HIP1: variants seen among roughly 807,000 people sequenced by gnomAD.
The protein encoded by HIP1 is huntingtin-interacting protein 1.
In HIP1, 65 loss-of-function variants were observed where a neutral mutation model predicts 147.6. That is an observed-to-expected ratio of 0.44 (90% CI 0.36 to 0.54). HIP1 has a LOEUF of 0.54. HIP1 is among the 20% of genes least tolerant of loss of function. The pLI, the probability that HIP1 is intolerant of heterozygous loss-of-function variation, is 0.00. For synonymous variants in HIP1, 479 were observed against 504.0 expected, an observed-to-expected ratio of 0.95 and a Z score of 0.67; for missense variants, 1,061 against 1,299.6, an observed-to-expected ratio of 0.82 and a Z score of 2.82.
intron 1 of HIP1, among the ~76,000 whole-genome samples, chr7:75,706,634 T>C (rs570696691): frequency 7.1e-6 from 1 of 140,642 alleles, no homozygotes; most frequent in South Asian, 2.2e-4. Context: ...TTTTTTTTTT[T>C]TTTTTTTTTT....
chr7:75,606,146 G>A (rs1184543726), intron 1 of HIP1, among the ~76,000 whole-genome samples: 1 of 152,092 alleles, frequency 6.6e-6, no homozygotes, highest in Admixed American at 6.6e-5. Flanking sequence ...ACCATGCCCA[G>A]CCAGAAGCTA....
At chr7:75,716,785 T>C (rs781939294) in intron 1 of HIP1, among the ~76,000 whole-genome samples, 3 of 151,310 alleles carry the variant, frequency 2.0e-5, no homozygotes, top group Non-Finnish European at 4.4e-5. Context: ...TCCCAAAGTG[T>C]TGGGATTACA....
chr7:75,670,168 G>A (rs1563283063), intron 1 of HIP1, among the ~76,000 whole-genome samples: 3 of 151,322 alleles, frequency 2.0e-5, no homozygotes. Context: ...CTTTTTTTGA[G>A]ACAGGGTCTC....
chr7:75,624,876 A>C (rs10215166), intron 1 of HIP1, among the ~76,000 whole-genome samples: 17,398 of 151,938 alleles, frequency 0.11, 1,448 homozygotes, highest in African/African-American at 0.23. Context: ...CATTCATTGA[A>C]TTCATCCATC....
intron 1 of HIP1, among the ~76,000 whole-genome samples, chr7:75,694,883 A>G (rs965355156): frequency 6.8e-6 from 1 of 147,228 alleles, no homozygotes; most frequent in Non-Finnish European, 1.5e-5. Context: ...ACTTTCTGAG[A>G]GAGTTCCTTG....
chr7:75,534,109 G>A lies in HIP1; in HGVS notation c.*4063C>T, dbSNP rs1793994592. On this transcript the variant is annotated 3_prime_UTR_variant, in exon 31 of 31. Transcript: ENST00000336926. ...GCTAAGAGGGAACTTCCAGCTGCAA[G>A]CTGAGAACTAGCTCCTGCACAGGGT... 4.3e-6 allele frequency: 1 copy of A among 231,276 alleles called. No homozygotes were observed. Among genetic ancestry groups the A allele is most frequent in the East Asian group, 6.1e-5 (1 of 16,314 alleles). 14.3% of individuals were successfully genotyped at this position (231,276 alleles called of 1,614,324 possible). A position where few individuals can be genotyped will look rare whatever the true frequency, so the allele number is the denominator to read the frequency against.
intron 1 of HIP1, among the ~76,000 whole-genome samples, chr7:75,623,872 G>A (rs1174101158): frequency 2.0e-5 from 3 of 152,196 alleles, no homozygotes; most frequent in Admixed American, 2.0e-4. Flanking sequence ...TTTCAGACCA[G>A]CCTGGGGAGT....
rs1475922255 is a variant in HIP1 at position 75,545,092 on chromosome 7, T to C, written c.2656A>G (p.Met886Val). Residue 886 changes from methionine to valine, a missense_variant, in exon 26 of 31, where the codon ATG becomes GTG. Met to Val is a conservative substitution (Grantham distance 21). Transcript: ENST00000336926. ...SKAVGWGATVMVDAADLVVQG... is the reference protein window; with the variant it reads ...SKAVGWGATVVVDAADLVVQG... ...TTGGTACCAATAGATACTTACACCA[T>C]GACAGTGGCTCCCCAGCCCACAGCC... 1.3e-6 allele frequency: 2 copies of C among 1,590,314 alleles called. No homozygotes were observed. The highest frequency in any genetic ancestry group is 1.4e-5 in the African/African-American group (1 of 73,878).
At chr7:75,576,537 C>T (rs1490502237) in intron 7 of HIP1, among the ~76,000 whole-genome samples, 1 of 152,004 alleles carries the variant, frequency 6.6e-6, no homozygotes, top group Non-Finnish European at 1.5e-5. Context: ...GCCTGGCCAA[C>T]ATGGGGAAAC....
chr7:75,661,787 G>C (rs1160090818), intron 1 of HIP1, among the ~76,000 whole-genome samples: 1 of 151,874 alleles, frequency 6.6e-6, no homozygotes, highest in Non-Finnish European at 1.5e-5. Flanking sequence ...CCAAATGTGT[G>C]CCTTGGAGCC....
At chr7:75,565,923 AG>A (rs1795387044) in intron 9 of HIP1, among the ~76,000 whole-genome samples, 1 of 147,868 alleles carries the variant, frequency 6.8e-6, no homozygotes. Context: ...CATGTTAGCC[AG>A]GCTGCTCTCA....
chr7:75,679,395 A>G (rs1197601001), intron 1 of HIP1, among the ~76,000 whole-genome samples: 1 of 152,068 alleles, frequency 6.6e-6, no homozygotes, highest in Non-Finnish European at 1.5e-5. Context: ...GTAGAGACAG[A>G]GTTTCAATAT....
intron 1 of HIP1, among the ~76,000 whole-genome samples, chr7:75,633,676 G>C (rs587612316): frequency 6.6e-6 from 1 of 152,126 alleles, no homozygotes; most frequent in East Asian, 1.9e-4. Context: ...TGTTTGCTGG[G>C]CAGGTCACCC....
rs1554498532 is a variant in HIP1, at chr7:75,581,255, G to A, written c.586C>T (p.Leu196Phe). The change falls in exon 7 of 31, where the codon CTC becomes TTC. Residue 196 changes from leucine to phenylalanine, a missense_variant. Physicochemically the swap from Leu to Phe is conservative, Grantham distance 22 (BLOSUM62 0). This residue lies in a region of HIP1 where 225 missense variants were observed against 292.9 expected (regional missense o/e 0.77). Coordinates refer to ENST00000336926, the MANE Select transcript of HIP1 (RefSeq NM_005338.7). Reference sequence around the variant, plus strand: ...GACTCACCTGTTTGGAAGAGGTTGAGTTCACACTCCAGGTAGTCAAACATC... The same window carrying A: ...GACTCACCTGTTTGGAAGAGGTTGAATTCACACTCCAGGTAGTCAAACATC... ...VEMFDYLECE[L>F]NLFQTVFNSL... is the part of the protein sequence containing the mutation. 1 of 1,611,482 alleles carries A rather than the reference G, an allele frequency of 6.2e-7. No individual in the cohort carries two copies. Among genetic ancestry groups the A allele is most frequent in the African/African-American group, 1.3e-5 (1 of 75,018 alleles).
intron 1 of HIP1, among the ~76,000 whole-genome samples, chr7:75,694,177 C>T (rs1554518515): frequency 6.6e-6 from 1 of 152,120 alleles, no homozygotes; most frequent in Admixed American, 6.6e-5. Context: ...CTCGGCCTCC[C>T]AAAGTGCTGA....
chr7:75,615,819 C>G (rs1021446692), intron 1 of HIP1, among the ~76,000 whole-genome samples: 5 of 150,998 alleles, frequency 3.3e-5, no homozygotes, highest in African/African-American at 9.7e-5. Flanking sequence ...GGCGCGGTGG[C>G]TCATGCCTGT....
At chr7:75,547,152 G>C in intron 24 of HIP1, 120 bp from the exon 25 acceptor site, 1 of 778,856 alleles carries the variant, frequency 1.3e-6, no homozygotes, top group Non-Finnish European at 2.1e-6. Flanking sequence ...AGGTAAGAAG[G>C]GTGCTGAGGT....
At chr7:75,583,496 G>A (rs237236) in intron 5 of HIP1, among the ~76,000 whole-genome samples, 60,032 of 151,944 alleles carry the variant, frequency 0.4, 13,930 homozygotes, top group African/African-American at 0.65. Context: ...TTCAAAGTCA[G>A]GGTGTTGACA....
chr7:75,592,188 C>A, intron 3 of HIP1, 76 bp from the exon 4 acceptor site: 4 of 1,474,548 alleles, frequency 2.7e-6, no homozygotes, highest in Non-Finnish European at 3.8e-6. Context: ...TGGAGAGAGG[C>A]GGAGGTGAAC....
Sources: gnomAD v4.1 joint callset for allele counts (sites outside exome capture counted in the v4.1 genomes callset) on GRCh38, gnomAD v4.1.1 for gene constraint, gnomAD v4.1.1 regional missense constraint, MANE v1.5 for transcripts, NCBI Gene and HGNC (gene_info 2026-07-23, HGNC 2026-07-21) for gene names.